CFTR: variants seen among roughly 807,000 people sequenced by gnomAD.
CFTR encodes the protein CF transmembrane conductance regulator.
In CFTR, 181 loss-of-function variants were observed where a neutral mutation model predicts 171.6. The ratio of observed to expected loss-of-function variants is 1.05; its 90% CI spans 0.93 to 1.19. CFTR has a LOEUF of 1.19. Among genes scored for constraint, CFTR ranks in the 50% most tolerant of loss-of-function variants. CFTR has a pLI of 0.00. For missense variants in CFTR, 1,968 were observed against 1,734.7 expected, an observed-to-expected ratio of 1.13 and a Z score of -2.39; for synonymous variants, 583 against 608.0, an observed-to-expected ratio of 0.96 and a Z score of 0.60.
intron 11 of CFTR, among the ~76,000 whole-genome samples, chr7:117,581,330 A>G (rs1420207660): frequency 6.6e-6 from 1 of 152,198 alleles, no homozygotes; most frequent in Non-Finnish European, 1.5e-5. Context: ...CATCTCTTGT[A>G]CATACCTTAT....
At chr7:117,545,466 T>C (rs1210976149) in intron 9 of CFTR, among the ~76,000 whole-genome samples, 1 of 152,220 alleles carries the variant, frequency 6.6e-6, no homozygotes, top group East Asian at 1.9e-4. Flanking sequence ...AGTTTCTTCC[T>C]TGAACTTCAT....
chr7:117,666,391 AT>A (rs1793377177), intron 26 of CFTR, among the ~76,000 whole-genome samples: 1 of 152,168 alleles, frequency 6.6e-6, no homozygotes, highest in South Asian at 2.1e-4. Context: ...GAAGTAACAA[AT>A]TAGGGGGGCA....
At chr7:117,561,694 GTGTAGA>G (rs1791498093) in intron 11 of CFTR, among the ~76,000 whole-genome samples, 2 of 152,164 alleles carry the variant, frequency 1.3e-5, no homozygotes, top group African/African-American at 4.8e-5. Flanking sequence ...ATGAAAATAT[GTGTAGA>G]ACATGAATCA....
rs562866885 is a variant in CFTR at position 117,515,523 on chromosome 7, G to A, written c.273+6381G>A. ...ACCATTGGTCTATATGTCTGTTATCGTACCAGTCCCATGCTGTTTTGGTTA... is the reference window on the plus strand; with the variant it reads ...ACCATTGGTCTATATGTCTGTTATCATACCAGTCCCATGCTGTTTTGGTTA... On this transcript the variant is annotated intron_variant, in intron 3 of 26. Transcript: ENST00000003084. Among the ~76,000 whole-genome samples, 136 of 152,244 alleles carry A rather than the reference G, an allele frequency of 8.9e-4. 1 individual carries two copies. The highest frequency in any genetic ancestry group is 1.7e-3 in the Non-Finnish European group (115 of 68,010).
intron 21 of CFTR, among the ~76,000 whole-genome samples, chr7:117,624,471 AGC>A (rs1448193302): frequency 3.9e-5 from 6 of 152,182 alleles, no homozygotes; most frequent in Non-Finnish European, 8.8e-5. Flanking sequence ...AGACATTCCA[AGC>A]AACCATGTTC....
intron 1 of CFTR, among the ~76,000 whole-genome samples, chr7:117,480,957 T>A (rs1797992402): frequency 6.6e-6 from 1 of 152,210 alleles, no homozygotes; most frequent in South Asian, 2.1e-4. Context: ...GCATCTACTT[T>A]GTTCCTGTTA....
At chr7:117,581,865 C>T (rs1791854360) in intron 11 of CFTR, among the ~76,000 whole-genome samples, 1 of 152,100 alleles carries the variant, frequency 6.6e-6, no homozygotes, top group Admixed American at 6.5e-5. Context: ...ATCCTCCCAC[C>T]TCTCAATCTC....
intron 23 of CFTR, among the ~76,000 whole-genome samples, chr7:117,646,089 G>C (rs189692623): frequency 3.2e-4 from 48 of 152,148 alleles, no homozygotes; most frequent in Admixed American, 5.9e-4. Context: ...GTAATCTTAG[G>C]CAAGTTATTT....
chr7:117,580,771 C>T (rs933138003), intron 11 of CFTR, among the ~76,000 whole-genome samples: 2 of 152,116 alleles, frequency 1.3e-5, no homozygotes, highest in African/African-American at 4.8e-5. Flanking sequence ...CATAAATCTA[C>T]TTTCTTACAG....
chr7:117,580,469 A>G (rs189310140), intron 11 of CFTR, among the ~76,000 whole-genome samples: 2 of 152,138 alleles, frequency 1.3e-5, no homozygotes, highest in Non-Finnish European at 2.9e-5. Flanking sequence ...GAACCTGACA[A>G]TATCTTTTAA....
chr7:117,612,048 T>TAC (rs1318749666), intron 20 of CFTR, among the ~76,000 whole-genome samples: 2 of 74,138 alleles, frequency 2.7e-5, no homozygotes, highest in African/African-American at 1.2e-4. Flanking sequence ...TATATATATA[T>TAC]ATATACATAT....
At position 117,611,832 on chromosome 7, in the gene CFTR, G is replaced by A. The variant is rs754272808; in HGVS notation, c.3367+24G>A. On this transcript the variant is annotated intron_variant, in intron 20 of 26. Coordinates refer to ENST00000003084, the MANE Select transcript of CFTR (RefSeq NM_000492.4). ...AGGTACTATGAACTCATTAACTTTA[G>A]CTAAGCATTTAAGTAAAAAATTTTC... 2.6e-6 allele frequency: 4 copies of A among 1,547,188 alleles called. No homozygotes were observed. The South Asian group carries it at 3.4e-5, about 13-fold the overall frequency.
intron 22 of CFTR, among the ~76,000 whole-genome samples, chr7:117,634,291 A>G (rs1444585140): frequency 5.3e-5 from 8 of 152,018 alleles, no homozygotes; most frequent in Admixed American, 3.9e-4. Flanking sequence ...GTATTCTTTT[A>G]TTATCCTTTT....
intron 15 of CFTR, among the ~76,000 whole-genome samples, chr7:117,599,989 G>T (rs1294008967): frequency 2.0e-5 from 3 of 151,888 alleles, no homozygotes; most frequent in African/African-American, 7.2e-5. Flanking sequence ...TTATTCCTTG[G>T]TGTAAGTGAT....
At chr7:117,544,300 A>G (rs1339917548) in intron 9 of CFTR, among the ~76,000 whole-genome samples, 1 of 152,236 alleles carries the variant, frequency 6.6e-6, no homozygotes, top group Non-Finnish European at 1.5e-5. Context: ...TTTAAACCTT[A>G]TATGGGTCTA....
At chr7:117,616,729 T>G (rs1403865561) in intron 21 of CFTR, among the ~76,000 whole-genome samples, 1 of 152,156 alleles carries the variant, frequency 6.6e-6, no homozygotes, top group Non-Finnish European at 1.5e-5. Flanking sequence ...AAGGACCTAT[T>G]GTGTTATAAT....
At chr7:117,568,143 G>A (rs1464973186) in intron 11 of CFTR, among the ~76,000 whole-genome samples, 1 of 152,162 alleles carries the variant, frequency 6.6e-6, no homozygotes, top group African/African-American at 2.4e-5. Context: ...TTTGCCCTTT[G>A]GGGAAGCTGT....
chr7:117,665,420 T>C (rs186804918), intron 25 of CFTR, 39 bp from the exon 26 acceptor site: 16 of 1,111,392 alleles, frequency 1.4e-5, no homozygotes, highest in African/African-American at 4.6e-5. Context: ...ATCATTACTG[T>C]TCTGTGATAT....
intron 11 of CFTR, among the ~76,000 whole-genome samples, chr7:117,566,868 T>A (rs1791610517): frequency 6.6e-6 from 1 of 152,110 alleles, no homozygotes; most frequent in African/African-American, 2.4e-5. Context: ...GTGAGCTAGG[T>A]TTTAGAAGTT....
Sources: allele counts gnomAD v4.1 joint callset (sites outside exome capture counted in the v4.1 genomes callset), GRCh38; gene constraint gnomAD v4.1.1; transcripts MANE v1.5; gene names NCBI Gene and HGNC (gene_info 2026-07-23, HGNC 2026-07-21).